The following MACROD2 variants were observed in gnomAD, a reference collection of about 807,000 sequenced individuals.
MACROD2 encodes mono-ADP ribosylhydrolase 2.
In MACROD2, 36 loss-of-function variants were observed where a neutral mutation model predicts 70.4. The ratio of observed to expected loss-of-function variants is 0.51; its 90% CI spans 0.39 to 0.68. The LOEUF is 0.68. MACROD2 is among the 30% of genes least tolerant of loss of function. The probability of loss-of-function intolerance (pLI) is 0.00; values close to 1 mark genes in which losing one functional copy is unlikely to be tolerated. For synonymous variants in MACROD2, 172 were observed against 178.8 expected (o/e 0.96, Z 0.30); for missense variants, 496 against 538.4 (o/e 0.92, Z 0.78).
intron 8 of MACROD2, among the ~76,000 whole-genome samples, chr20:15,825,131 G>C (rs1190996728): frequency 6.6e-6 from 1 of 152,176 alleles, no homozygotes; most frequent in African/African-American, 2.4e-5. Context: ...TAATGGTTTT[G>C]AGAGATTAAA....
chr20:15,384,597 T>C (rs6034169), intron 6 of MACROD2, among the ~76,000 whole-genome samples: 1 of 152,048 alleles, frequency 6.6e-6, no homozygotes, highest in Non-Finnish European at 1.5e-5. Flanking sequence ...TTGCCCATTC[T>C]TGTAACCAAT....
intron 8 of MACROD2, among the ~76,000 whole-genome samples, chr20:15,610,578 C>T (rs2048953334): frequency 6.6e-6 from 1 of 152,156 alleles, no homozygotes; most frequent in African/African-American, 2.4e-5. Context: ...GATGATCTAT[C>T]TTAGCATAAT....
chr20:15,197,518 A>G (rs112814494), intron 5 of MACROD2, among the ~76,000 whole-genome samples: 4 of 152,244 alleles, frequency 2.6e-5, no homozygotes, highest in Non-Finnish European at 5.9e-5. Flanking sequence ...GGGAACAGGA[A>G]TAAGACTACC....
In MACROD2 at chr20:14,039,651, A is replaced by G. The variant is rs145722025; in HGVS notation, c.163+37247A>G. Among the ~76,000 whole-genome samples, 313 of 152,242 alleles carry G rather than the reference A, an allele frequency of 2.1e-3. 1 individual carries two copies. Among genetic ancestry groups the G allele is most frequent in the African/African-American group, 7.3e-3 (302 of 41,540 alleles). On this transcript the variant is annotated intron_variant, in intron 2 of 17. Coordinates refer to ENST00000684519, the MANE Select transcript of MACROD2 (RefSeq NM_001351661.2). ...CCGGTGATAGATACTTAGTTTTTTA[A>G]CTATAAAACATCCTGGTAAAAACAT... is the stretch of plus-strand genomic sequence containing the variant.
intron 8 of MACROD2, among the ~76,000 whole-genome samples, chr20:15,666,150 T>A (rs1053902960): frequency 6.6e-6 from 1 of 152,226 alleles, no homozygotes; most frequent in Non-Finnish European, 1.5e-5. Flanking sequence ...TCCATAGCAA[T>A]AACATTACTT....
At chr20:14,432,813 T>A (rs1440465249) in intron 3 of MACROD2, among the ~76,000 whole-genome samples, 1 of 152,146 alleles carries the variant, frequency 6.6e-6, no homozygotes, top group Non-Finnish European at 1.5e-5. Context: ...CACCATTATC[T>A]TATGGTAGTA....
chr20:14,214,964 T>TTATA (rs775088155), intron 3 of MACROD2, among the ~76,000 whole-genome samples: 3 of 149,082 alleles, frequency 2.0e-5, no homozygotes, highest in African/African-American at 7.3e-5. Flanking sequence ...TAGTGTTCCA[T>TTATA]TATATATATA....
At chr20:15,948,338 C>T (rs965857398) in intron 12 of MACROD2, among the ~76,000 whole-genome samples, 2 of 141,450 alleles carry the variant, frequency 1.4e-5, no homozygotes, top group Non-Finnish European at 3.0e-5. Flanking sequence ...CAACAGCAAC[C>T]CCCTTTGGGA....
intron 5 of MACROD2, among the ~76,000 whole-genome samples, chr20:15,080,342 A>T (rs2123132099): frequency 6.6e-6 from 1 of 152,188 alleles, no homozygotes; most frequent in South Asian, 2.1e-4. Flanking sequence ...GTTCCCTCTT[A>T]CCAAATACAC....
intron 5 of MACROD2, among the ~76,000 whole-genome samples, chr20:15,214,070 T>C (rs1203143998): frequency 6.6e-6 from 1 of 151,980 alleles, no homozygotes; most frequent in Admixed American, 6.6e-5. Flanking sequence ...GTAGGAAAAA[T>C]AAAAACACTT....
At chr20:15,438,264 C>T (rs998646617) in intron 7 of MACROD2, among the ~76,000 whole-genome samples, 18 of 152,160 alleles carry the variant, frequency 1.2e-4, no homozygotes, top group Non-Finnish European at 2.9e-5. Flanking sequence ...ATACTACTTT[C>T]CACAATGGTT....
chr20:14,039,805 GT>G (rs11482552), intron 2 of MACROD2, among the ~76,000 whole-genome samples: 24,344 of 144,982 alleles, frequency 0.17, 2,067 homozygotes, highest in South Asian at 0.23. Flanking sequence ...TTTGCCATCT[GT>G]TTTTTTTTTT....
chr20:15,622,902 G>A (rs1223621682), intron 8 of MACROD2, among the ~76,000 whole-genome samples: 1 of 152,134 alleles, frequency 6.6e-6, no homozygotes, highest in Non-Finnish European at 1.5e-5. Context: ...GTATGTATGG[G>A]AATAAGCATG....
chr20:15,293,242 A>G (rs1350202396), intron 6 of MACROD2, among the ~76,000 whole-genome samples: 3 of 152,246 alleles, frequency 2.0e-5, no homozygotes, highest in Non-Finnish European at 4.4e-5. Flanking sequence ...TATTCGTCAT[A>G]TGCAATGATT....
intron 8 of MACROD2, among the ~76,000 whole-genome samples, chr20:15,682,714 C>T (rs570137011): frequency 1.2e-4 from 18 of 152,222 alleles, no homozygotes; most frequent in Middle Eastern, 3.4e-3. Context: ...AAACATGACC[C>T]CTCCCTGCAA....
intron 6 of MACROD2, among the ~76,000 whole-genome samples, chr20:15,367,317 T>C (rs1238061671): frequency 1.3e-5 from 2 of 152,196 alleles, no homozygotes; most frequent in Admixed American, 6.5e-5. Context: ...TGAGCCACCG[T>C]GCCCGGCCCC....
At chr20:15,718,004 A>G (rs1472735848) in intron 8 of MACROD2, among the ~76,000 whole-genome samples, 1 of 146,742 alleles carries the variant, frequency 6.8e-6, no homozygotes, top group East Asian at 2.0e-4. Flanking sequence ...CATGTTTTTT[A>G]TTGTGTTTTC....
intron 8 of MACROD2, among the ~76,000 whole-genome samples, chr20:15,771,891 T>G (rs55677435): frequency 0.24 from 33,749 of 142,266 alleles, 4,684 homozygotes; most frequent in African/African-American, 0.42. Flanking sequence ...AAGACCATCC[T>G]TGGCTAACAC....
intron 8 of MACROD2, among the ~76,000 whole-genome samples, chr20:15,610,341 C>T (rs1207797261): frequency 2.0e-5 from 3 of 152,174 alleles, no homozygotes; most frequent in African/African-American, 7.2e-5. Flanking sequence ...AAGGTGTTGG[C>T]AGGGTTGATT....
Sources: gnomAD v4.1 joint callset for allele counts (sites outside exome capture counted in the v4.1 genomes callset) on GRCh38, gnomAD v4.1.1 for gene constraint, MANE v1.5 for transcripts, NCBI Gene and HGNC (gene_info 2026-07-23, HGNC 2026-07-21) for gene names.